The following DRD3 variants were observed in gnomAD, a reference collection of about 807,000 sequenced individuals.
DRD3 encodes the protein D(3) dopamine receptor.
In DRD3, 19 loss-of-function variants were observed where a neutral mutation model predicts 36.3. The observed-to-expected ratio is 0.52, with a 90% CI of 0.36 to 0.77. DRD3 has a LOEUF of 0.77. DRD3 is among the 30% of genes least tolerant of loss of function. The probability of loss-of-function intolerance (pLI) is 0.00; values close to 1 mark genes in which losing one functional copy is unlikely to be tolerated. For synonymous variants in DRD3, 195 were observed against 203.7 expected (o/e 0.96, Z 0.36); for missense variants, 465 against 505.3 (o/e 0.92, Z 0.77).
chr3:114,189,470 G>C (rs995890336), intron 1 of DRD3, among the ~76,000 whole-genome samples: 2 of 152,154 alleles, frequency 1.3e-5, no homozygotes, highest in Admixed American at 6.5e-5. Context: ...TAAATTCTAT[G>C]ATCATTTCCA....
At chr3:114,174,361 C>A (rs956862821) in intron 1 of DRD3, among the ~76,000 whole-genome samples, 9 of 152,176 alleles carry the variant, frequency 5.9e-5, no homozygotes, top group African/African-American at 2.2e-4. Context: ...GTCTTAGCCT[C>A]CTCTCACCTG....
chr3:114,156,500 C>T (rs2077668973), intron 3 of DRD3, among the ~76,000 whole-genome samples: 1 of 151,634 alleles, frequency 6.6e-6, no homozygotes, highest in African/African-American at 2.4e-5. Context: ...CCTACTTTTC[C>T]TTTCTTGTTT....
chr3:114,154,677 C>T (rs1201608079), intron 3 of DRD3, among the ~76,000 whole-genome samples: 1 of 152,180 alleles, frequency 6.6e-6, no homozygotes, highest in Admixed American at 6.5e-5. Flanking sequence ...ATTGTGCTCG[C>T]TGCAAAGACG....
At chr3:114,152,301 C>T (rs1023076569) in intron 3 of DRD3, among the ~76,000 whole-genome samples, 8 of 152,154 alleles carry the variant, frequency 5.3e-5, no homozygotes, top group Non-Finnish European at 1.2e-4. Context: ...TTGTATCATT[C>T]TTATGCCTTT....
chr3:114,134,075 C>A (rs2077455146), intron 5 of DRD3, among the ~76,000 whole-genome samples: 1 of 152,146 alleles, frequency 6.6e-6, no homozygotes, highest in South Asian at 2.1e-4. Flanking sequence ...AGCCTGTGAG[C>A]CACCTGACAG....
intron 5 of DRD3, among the ~76,000 whole-genome samples, chr3:114,136,767 C>T (rs914042769): frequency 6.6e-6 from 1 of 152,238 alleles, no homozygotes; most frequent in African/African-American, 2.4e-5. Flanking sequence ...ATATCTAACA[C>T]CTCCAGACTC....
chr3:114,139,573 TG>T lies in DRD3; in HGVS notation c.649del (p.Gln217LysfsTer36). ...VYARIYVVLK[Q>X]RRRKRILTRQ... ...AGTGAGGATCCTTTTCCGTCTCCTT[TG>T]TTTCAGCACCACATAGATTCTGGCA... On this transcript the variant is annotated frameshift_variant, in exon 5 of 7. Coordinates refer to ENST00000383673, the MANE Select transcript of DRD3 (RefSeq NM_000796.6). LOFTEE classifies it high-confidence loss of function. 6.2e-7 allele frequency: 1 copy of T among 1,614,176 alleles called. No homozygotes were observed. The highest frequency in any genetic ancestry group is 2.2e-5 in the East Asian group (1 of 44,892).
At chr3:114,132,072 T>C (rs945368386) in intron 5 of DRD3, among the ~76,000 whole-genome samples, 5 of 152,190 alleles carry the variant, frequency 3.3e-5, no homozygotes, top group Admixed American at 6.5e-5. Context: ...ATCCAAAAGA[T>C]TATAAATCAT....
intron 2 of DRD3, among the ~76,000 whole-genome samples, chr3:114,165,079 A>G (rs2077770789): frequency 6.6e-6 from 1 of 152,254 alleles, no homozygotes; most frequent in African/African-American, 2.4e-5. Flanking sequence ...CATGAAATAA[A>G]TACAGTGGTT....
intron 4 of DRD3, among the ~76,000 whole-genome samples, chr3:114,141,935 G>C (rs1440385360): frequency 6.6e-6 from 1 of 150,822 alleles, no homozygotes; most frequent in Non-Finnish European, 1.5e-5. Flanking sequence ...TGTAATCCCA[G>C]CTACTCAGGA....
intron 1 of DRD3, among the ~76,000 whole-genome samples, chr3:114,186,311 G>A (rs779859717): frequency 3.3e-5 from 5 of 152,170 alleles, no homozygotes; most frequent in Non-Finnish European, 7.3e-5. Flanking sequence ...ATTTTTAGTA[G>A]AGACAGGGTT....
At chr3:114,198,987 C>A (rs1365944605) in intron 1 of DRD3, among the ~76,000 whole-genome samples, 2 of 152,136 alleles carry the variant, frequency 1.3e-5, no homozygotes, top group Non-Finnish European at 2.9e-5. Flanking sequence ...TCAAGGGATA[C>A]ACTCACTTCA....
chr3:114,156,729 C>CTT (rs2077672361), intron 3 of DRD3, among the ~76,000 whole-genome samples: 1 of 37,650 alleles, frequency 2.7e-5, no homozygotes, highest in South Asian at 8.4e-4. Flanking sequence ...TTCTTTCTTT[C>CTT]TTTCTTTCTT....
chr3:114,144,963 T>C (rs867712030), intron 4 of DRD3, among the ~76,000 whole-genome samples: 1 of 152,174 alleles, frequency 6.6e-6, no homozygotes, highest in Admixed American at 6.5e-5. Context: ...GCAACAACAC[T>C]GCAAATTCAT....
chr3:114,181,608 G>A (rs1230906476), upstream of DRD3, among the ~76,000 whole-genome samples: 1 of 152,166 alleles, frequency 6.6e-6, no homozygotes, highest in South Asian at 2.1e-4. Context: ...CTTCCTTCCA[G>A]AAACTCCATC....
chr3:114,191,320 T>C (rs752777729), intron 1 of DRD3, among the ~76,000 whole-genome samples: 1 of 152,164 alleles, frequency 6.6e-6, no homozygotes, highest in Non-Finnish European at 1.5e-5. Flanking sequence ...AGGTGACAGA[T>C]AAGCTCATAT....
At chr3:114,192,983 C>G (rs1040639891) in intron 1 of DRD3, among the ~76,000 whole-genome samples, 2 of 151,968 alleles carry the variant, frequency 1.3e-5, no homozygotes, top group African/African-American at 4.8e-5. Flanking sequence ...CAAAACAAAA[C>G]AAACAAAAAA....
intron 2 of DRD3, among the ~76,000 whole-genome samples, chr3:114,166,395 T>C (rs1190022408): frequency 6.6e-6 from 1 of 152,182 alleles, no homozygotes; most frequent in African/African-American, 2.4e-5. Context: ...TGTTGGGAGA[T>C]GGGGTCTAAC....
chr3:114,198,234 T>G (rs1445596375), intron 1 of DRD3, among the ~76,000 whole-genome samples: 1 of 151,998 alleles, frequency 6.6e-6, no homozygotes. Context: ...TGTGTTTTTT[T>G]TTTTCCTTTT....
Sources: allele counts gnomAD v4.1 joint callset (sites outside exome capture counted in the v4.1 genomes callset), GRCh38; gene constraint gnomAD v4.1.1; transcripts MANE v1.5; gene names NCBI Gene and HGNC (gene_info 2026-07-23, HGNC 2026-07-21).